ELAPOR2: variants seen among roughly 807,000 people sequenced by gnomAD.
ELAPOR2 encodes endosome/lysosome-associated apoptosis and autophagy regulator family member 2.
Under a neutral mutation model 120.7 loss-of-function variants are expected in ELAPOR2, and 89 were observed. The ratio of observed to expected loss-of-function variants is 0.74; its 90% CI spans 0.62 to 0.88. ELAPOR2 has a LOEUF of 0.88. ELAPOR2 is among the 40% of genes least tolerant of loss of function. The pLI is 0.00. For synonymous variants in ELAPOR2, 444 were observed against 444.9 expected, an observed-to-expected ratio of 1.00 and a Z score of 0.03; for missense variants, 1,134 against 1,251.6, an observed-to-expected ratio of 0.91 and a Z score of 1.42.
At chr7:86,994,660 A>G (rs1481851944) in intron 1 of ELAPOR2, among the ~76,000 whole-genome samples, 1 of 152,184 alleles carries the variant, frequency 6.6e-6, no homozygotes, top group African/African-American at 2.4e-5. Flanking sequence ...TTGCTAAGCC[A>G]GTAAAAGTAA....
intron 21 of ELAPOR2, 45 bp from the exon 22 acceptor site, chr7:86,880,575 G>A (rs201634839): frequency 3.6e-4 from 453 of 1,273,710 alleles, no homozygotes; most frequent in Non-Finnish European, 4.6e-4. Context: ...TGAAATTCTC[G>A]TAAGATTTTA....
intron 19 of ELAPOR2, among the ~76,000 whole-genome samples, chr7:86,895,634 G>A (rs1003859146): frequency 2.6e-5 from 4 of 152,004 alleles, no homozygotes; most frequent in East Asian, 1.9e-4. Flanking sequence ...CTTATAATAC[G>A]TTGAAGTGAC....
At chr7:87,000,277 T>TGGCTATTTAG (rs1793272435) in intron 1 of ELAPOR2, among the ~76,000 whole-genome samples, 1 of 152,144 alleles carries the variant, frequency 6.6e-6, no homozygotes, top group South Asian at 2.1e-4. Context: ...TCTTCATAGC[T>TGGCTATTTAG]GGCTATTTAG....
chr7:86,952,538 T>G (rs1791304123), intron 2 of ELAPOR2, among the ~76,000 whole-genome samples: 1 of 152,226 alleles, frequency 6.6e-6, no homozygotes, highest in African/African-American at 2.4e-5. Context: ...CCTGAACTGT[T>G]AATGTTCATG....
At position 86,941,963 on chromosome 7, in the gene ELAPOR2, GA is replaced by G. The variant is rs999348134; in HGVS notation, c.741+54del. Reference sequence around the variant, plus strand: ...AGTTGGGAAAGAAGAAAAGGTTGGGGAAAAAAAGAAGAAGGAAAAATTGGCA... The same window carrying G: ...AGTTGGGAAAGAAGAAAAGGTTGGGGAAAAAAGAAGAAGGAAAAATTGGCA... On this transcript the variant is annotated intron_variant, in intron 5 of 21. Transcript: ENST00000450689. The G allele has an allele frequency of 2.0e-5, 21 of 1,060,498 alleles. No individual in the cohort carries two copies. In the Admixed American group the frequency reaches 2.0e-4, roughly 10 times the overall value. 65.7% of individuals were successfully genotyped at this position (1,060,498 alleles called of 1,614,324 possible).
chr7:86,994,217 C>T (rs7803627), intron 1 of ELAPOR2, among the ~76,000 whole-genome samples: 57,546 of 152,016 alleles, frequency 0.38, 11,740 homozygotes, highest in African/African-American at 0.53. Context: ...AACATAACCT[C>T]AGAAATGAGA....
At chr7:86,910,371 A>G (rs1789242750) in intron 15 of ELAPOR2, among the ~76,000 whole-genome samples, 1 of 152,162 alleles carries the variant, frequency 6.6e-6, no homozygotes, top group South Asian at 2.1e-4. Context: ...AAAACTGCTG[A>G]TGAAAGCTTC....
At chr7:87,041,430 C>T (rs542306834) in intron 1 of ELAPOR2, among the ~76,000 whole-genome samples, 73 of 152,100 alleles carry the variant, frequency 4.8e-4, no homozygotes, top group Middle Eastern at 3.4e-3. Flanking sequence ...ATAAACCCTA[C>T]GAGCCAGAAG....
At chr7:86,924,529 C>T (rs1789976545) in intron 10 of ELAPOR2, among the ~76,000 whole-genome samples, 1 of 151,658 alleles carries the variant, frequency 6.6e-6, no homozygotes, top group Admixed American at 6.6e-5. Flanking sequence ...AAAAAAAAAC[C>T]TTCAGGGTCA....
intron 1 of ELAPOR2, among the ~76,000 whole-genome samples, chr7:86,983,908 C>T (rs1195170582): frequency 2.6e-5 from 4 of 152,196 alleles, no homozygotes; most frequent in African/African-American, 9.7e-5. Context: ...GATAAAGAGT[C>T]AAGACCCATC....
intron 21 of ELAPOR2, among the ~76,000 whole-genome samples, chr7:86,890,887 T>G (rs965016012): frequency 2.0e-5 from 3 of 152,202 alleles, no homozygotes; most frequent in East Asian, 1.9e-4. Context: ...TTACTATTAC[T>G]CTTTATAAAT....
At chr7:86,905,273 C>CT (rs61483966) in intron 18 of ELAPOR2, among the ~76,000 whole-genome samples, 224 of 141,656 alleles carry the variant, frequency 1.6e-3, no homozygotes, top group Middle Eastern at 0.011. Context: ...GCTATGTTGA[C>CT]TTTTTTTTTT....
rs772753534 is a variant in ELAPOR2, at chr7:86,893,015, A to G, written c.2771T>C (p.Val924Ala). 6.0e-5 allele frequency: 96 copies of G among 1,587,188 alleles called. No individual in the cohort carries two copies. The highest frequency in any genetic ancestry group is 7.2e-5 in the Non-Finnish European group (84 of 1,170,778). Residue 924 changes from valine to alanine, a missense_variant, in exon 20 of 22, where the codon GTT (valine) becomes GCT (alanine). Around this residue, in one of 3 missense-constraint regions of ELAPOR2, gnomAD observed 831 missense variants for 867.6 expected, o/e 0.96. Coordinates refer to ENST00000450689, the MANE Select transcript of ELAPOR2 (RefSeq NM_001142749.3). Reference sequence around the variant, plus strand: ...GGCTCCCACCTTCAGCCAAAAGTCAACCGTTTCACAGGTTGCCAACTTTTT... The same window carrying G: ...GGCTCCCACCTTCAGCCAAAAGTCAGCCGTTTCACAGGTTGCCAACTTTTT... ...PEKKLATCET[V>A]DFWLKVGAGV...
intron 1 of ELAPOR2, among the ~76,000 whole-genome samples, chr7:86,971,290 A>G (rs1225425406): frequency 6.6e-6 from 1 of 152,212 alleles, no homozygotes; most frequent in Non-Finnish European, 1.5e-5. Flanking sequence ...TGTTCTTGAT[A>G]AAGAGAAACC....
At chr7:86,936,645 T>C (rs990870048) in intron 8 of ELAPOR2, among the ~76,000 whole-genome samples, 4 of 152,080 alleles carry the variant, frequency 2.6e-5, no homozygotes, top group Non-Finnish European at 4.4e-5. Flanking sequence ...CAGAAAAACA[T>C]AATTTGTGTG....
At chr7:87,029,188 G>T (rs894667756) in intron 1 of ELAPOR2, among the ~76,000 whole-genome samples, 15 of 151,904 alleles carry the variant, frequency 9.9e-5, no homozygotes, top group Non-Finnish European at 1.9e-4. Flanking sequence ...CTCTCTTTTT[G>T]TTCTCTGATG....
intron 1 of ELAPOR2, among the ~76,000 whole-genome samples, chr7:86,974,026 T>G (rs1040995855): frequency 6.6e-6 from 1 of 151,926 alleles, no homozygotes; most frequent in Non-Finnish European, 1.5e-5. Context: ...TTCACGTAAC[T>G]GGGTAATAGT....
At position 86,909,865 on chromosome 7, in the gene ELAPOR2, C is replaced by T; in HGVS notation, c.2306G>A (p.Gly769Asp). The change falls in exon 16 of 22, where the codon GGT (glycine) becomes GAT (aspartate). Residue 769 changes from glycine (G) to aspartate (D), a missense_variant. Gly to Asp is a moderately conservative substitution (Grantham distance 94, BLOSUM62 -1). This residue lies in a region of ELAPOR2 where 831 missense variants were observed against 867.6 expected (regional missense o/e 0.96). Coordinates refer to ENST00000450689, the MANE Select transcript of ELAPOR2 (RefSeq NM_001142749.3). The part of the protein sequence containing the change: ...QSTIIPSESK[G>D]FRAALSSQSI... ...TTGTGATGATAAGGCTGCTCGGAAA[C>T]CCTTACTTTCAGAAGGAATAATTGT... 1 of 1,613,272 alleles carries T rather than the reference C, an allele frequency of 6.2e-7. No homozygotes were observed. Among genetic ancestry groups the T allele is most frequent in the Non-Finnish European group, 8.5e-7 (1 of 1,179,544 alleles).
intron 20 of ELAPOR2, among the ~76,000 whole-genome samples, chr7:86,892,623 C>T (rs1788219046): frequency 6.6e-6 from 1 of 152,044 alleles, no homozygotes; most frequent in Non-Finnish European, 1.5e-5. Flanking sequence ...AGAATACCTG[C>T]CTTCCAAATC....
Sources: allele counts gnomAD v4.1 joint callset (sites outside exome capture counted in the v4.1 genomes callset), GRCh38; gene constraint gnomAD v4.1.1; regional missense constraint gnomAD v4.1.1; transcripts MANE v1.5; gene names NCBI Gene and HGNC (gene_info 2026-07-23, HGNC 2026-07-21).